The following TMEM132D variants were observed in gnomAD, a reference collection of about 807,000 sequenced individuals.
The protein encoded by TMEM132D is transmembrane protein 132D, also known as mature OL transmembrane protein.
Under a neutral mutation model 62.3 loss-of-function variants are expected in TMEM132D, and 21 were observed. The observed-to-expected ratio is 0.34, with a 90% CI of 0.24 to 0.49. The LOEUF (loss-of-function observed/expected upper bound fraction) is 0.49, where lower values mean the gene tolerates loss of function less well. Ranked by LOEUF, TMEM132D falls within the 20% of genes least tolerant of loss-of-function variation. The pLI is 0.99. For synonymous variants in TMEM132D, 621 were observed against 575.6 expected, an observed-to-expected ratio of 1.08 and a Z score of -1.13; for missense variants, 1,346 against 1,402.8, an observed-to-expected ratio of 0.96 and a Z score of 0.65.
intron 3 of TMEM132D, among the ~76,000 whole-genome samples, chr12:129,343,449 A>T (rs1198398662): frequency 6.6e-6 from 1 of 152,008 alleles, no homozygotes; most frequent in Non-Finnish European, 1.5e-5. Flanking sequence ...TGGGGGAGGG[A>T]TAGCATTAGG....
At chr12:129,209,462 G>A (rs2135566413) in intron 5 of TMEM132D, 58 bp downstream of exon 5, 5 of 1,602,256 alleles carry the variant, frequency 3.1e-6, no homozygotes, top group East Asian at 2.2e-5. Context: ...GCTGGTCCAG[G>A]AGCACAGAAG....
At chr12:129,359,327 G>C (rs965064333) in intron 3 of TMEM132D, among the ~76,000 whole-genome samples, 7 of 152,108 alleles carry the variant, frequency 4.6e-5, no homozygotes, top group South Asian at 2.1e-4. Flanking sequence ...AAAATGTTTC[G>C]GTGGTGATGG....
chr12:129,134,075 G>C (rs751515899), intron 5 of TMEM132D, among the ~76,000 whole-genome samples: 4 of 143,818 alleles, frequency 2.8e-5, no homozygotes, highest in Non-Finnish European at 4.6e-5. Context: ...ATTGTGTTGT[G>C]TGTGTGTGTT....
intron 4 of TMEM132D, among the ~76,000 whole-genome samples, chr12:129,218,759 G>A (rs1327569323): frequency 1.3e-5 from 2 of 152,184 alleles, no homozygotes; most frequent in Non-Finnish European, 2.9e-5. Context: ...TCACCAAAGT[G>A]CAACTTGGAC....
intron 4 of TMEM132D, among the ~76,000 whole-genome samples, chr12:129,236,065 CCTT>C (rs2135581310): frequency 1.3e-5 from 2 of 150,868 alleles, no homozygotes; most frequent in South Asian, 4.2e-4. Context: ...TTTTTCAACT[CCTT>C]AAGTTTATTC....
intron 2 of TMEM132D, among the ~76,000 whole-genome samples, chr12:129,568,940 G>T (rs923608260): frequency 1.4e-4 from 22 of 152,156 alleles, no homozygotes; most frequent in Non-Finnish European, 1.5e-5. Flanking sequence ...AGAGTCACCT[G>T]GGAGGGATTA....
chr12:129,367,826 C>T (rs1487598345), intron 3 of TMEM132D, among the ~76,000 whole-genome samples: 2 of 149,216 alleles, frequency 1.3e-5, no homozygotes, highest in Non-Finnish European at 3.0e-5. Context: ...TGCTCTGTCA[C>T]CCAGGCTGGA....
At chr12:129,177,982 C>G (rs1046236777) in intron 5 of TMEM132D, among the ~76,000 whole-genome samples, 1 of 152,108 alleles carries the variant, frequency 6.6e-6, no homozygotes, top group South Asian at 2.1e-4. Flanking sequence ...TCCATGGGCT[C>G]TCATCATTCA....
chr12:129,231,957 C>G (rs1301592307), intron 4 of TMEM132D, among the ~76,000 whole-genome samples: 1 of 152,182 alleles, frequency 6.6e-6, no homozygotes, highest in Non-Finnish European at 1.5e-5. Context: ...CCAATTATAT[C>G]AGAACCTCTG....
intron 5 of TMEM132D, among the ~76,000 whole-genome samples, chr12:129,154,623 A>G (rs2135537638): frequency 6.6e-6 from 1 of 152,356 alleles, no homozygotes; most frequent in South Asian, 2.1e-4. Context: ...AGGATGGATC[A>G]TATTGTTTGT....
intron 2 of TMEM132D, among the ~76,000 whole-genome samples, chr12:129,541,268 T>C (rs1249271949): frequency 6.6e-6 from 1 of 152,212 alleles, no homozygotes; most frequent in Non-Finnish European, 1.5e-5. Context: ...CTTTTATGCC[T>C]GATTTGCCCT....
At position 129,084,614 on chromosome 12, in the gene TMEM132D, AG is replaced by A; in HGVS notation, c.1531del (p.Leu511Ter). 6.2e-7 allele frequency: 1 copy of A among 1,614,142 alleles called. No individual in the cohort carries two copies. The highest frequency in any genetic ancestry group is 8.5e-7 in the Non-Finnish European group (1 of 1,180,012). On this transcript the variant is annotated frameshift_variant, in exon 6 of 9. Transcript: ENST00000422113. LOFTEE classifies it high-confidence loss of function. ...CACCGTCATCTCCAGGGGGCTGCTCAGGTGCTGGTAGGTGAAGTTCACCACC... is the reference window on the plus strand; with the variant it reads ...CACCGTCATCTCCAGGGGGCTGCTCAGTGCTGGTAGGTGAAGTTCACCACC... ...NVVVNFTYQH[L>X]SSPLEMTVWV...
chr12:129,377,100 T>G (rs1870803987), intron 3 of TMEM132D, among the ~76,000 whole-genome samples: 1 of 152,170 alleles, frequency 6.6e-6, no homozygotes, highest in African/African-American at 2.4e-5. Context: ...TCAGTTTACC[T>G]TTTTAACAAG....
In TMEM132D at chr12:129,903,884, C is replaced by T. The variant is rs2137405622; in HGVS notation, c.-545G>A. ...GCCCGCAGCCCCCATCCCAGGCCGGCCGCTGCGCCTCGGGGCTCGGGCGCG... is the reference window on the plus strand; with the variant it reads ...GCCCGCAGCCCCCATCCCAGGCCGGTCGCTGCGCCTCGGGGCTCGGGCGCG... On this transcript the variant is annotated 5_prime_UTR_variant, in exon 1 of 9. Transcript: ENST00000422113. This position sits in a 1 kb window ranked among gnomAD's most constrained non-coding sequence, Gnocchi z 6.2. Among the ~76,000 whole-genome samples the T allele has an allele frequency of 6.8e-6, 1 of 147,028 alleles. No individual in the cohort carries two copies. Among genetic ancestry groups the T allele is most frequent in the Admixed American group, 6.7e-5 (1 of 14,822 alleles).
At chr12:129,530,662 C>G (rs945700394) in intron 3 of TMEM132D, among the ~76,000 whole-genome samples, 1 of 152,180 alleles carries the variant, frequency 6.6e-6, no homozygotes, top group African/African-American at 2.4e-5. Flanking sequence ...GTGGAATGCA[C>G]CCGTGTGAAG....
chr12:129,194,737 T>C (rs1030727492), intron 5 of TMEM132D, among the ~76,000 whole-genome samples: 2 of 152,190 alleles, frequency 1.3e-5, no homozygotes, highest in Non-Finnish European at 2.9e-5. Flanking sequence ...TATGTGAAGG[T>C]TCAGGAAAAA....
rs895238172 is a variant in TMEM132D, at chr12:129,277,942, T to C, written c.1299+59692A>G. Among the ~76,000 whole-genome samples the C allele has an allele frequency of 6.6e-5, 10 of 152,192 alleles. No individual in the cohort carries two copies. The highest frequency in any genetic ancestry group is 6.5e-5 in the Admixed American group (1 of 15,282). On this transcript the variant is annotated intron_variant, in intron 4 of 8. Coordinates refer to ENST00000422113, the MANE Select transcript of TMEM132D (RefSeq NM_133448.3). This position sits in a 1 kb window ranked among gnomAD's most constrained non-coding sequence, Gnocchi z 4.2. ...ATGTCCTAAATGACCACCAGTCTTC[T>C]GGTTGCCCACCTTTCTTTTGCAGTG...
intron 5 of TMEM132D, among the ~76,000 whole-genome samples, chr12:129,148,224 T>C (rs1169036313): frequency 2.0e-5 from 3 of 152,198 alleles, no homozygotes; most frequent in African/African-American, 7.2e-5. Context: ...TATTTGCTTT[T>C]GACTAAGATA....
At chr12:129,421,027 T>C (rs1476558814) in intron 3 of TMEM132D, among the ~76,000 whole-genome samples, 2 of 148,540 alleles carry the variant, frequency 1.3e-5, no homozygotes, top group Non-Finnish European at 3.0e-5. Context: ...AGTGGCGCAA[T>C]CTCAGCTCAT....
Sources: allele counts gnomAD v4.1 joint callset (sites outside exome capture counted in the v4.1 genomes callset), GRCh38; gene constraint gnomAD v4.1.1; non-coding constraint Gnocchi (gnomAD v3.1); transcripts MANE v1.5; gene names NCBI Gene and HGNC (gene_info 2026-07-23, HGNC 2026-07-21).